The following ZNF197 variants were observed in gnomAD, a reference collection of about 807,000 sequenced individuals.
The protein encoded by ZNF197 is VHL-associated KRAB-A domain-containing protein.
ZNF197 carries 14 observed loss-of-function variants against 27.4 expected under a neutral mutation model. The ratio of observed to expected loss-of-function variants is 0.51; its 90% CI spans 0.34 to 0.80. The LOEUF is 0.80. Ranked by LOEUF, ZNF197 falls within the 30% of genes least tolerant of loss-of-function variation. ZNF197 has a pLI of 0.02. For missense variants in ZNF197, 1,090 were observed against 1,222.6 expected, an observed-to-expected ratio of 0.89 and a Z score of 1.62; for synonymous variants, 415 against 420.0, an observed-to-expected ratio of 0.99 and a Z score of 0.15.
chr3:44,639,320 G>T (rs943379454), intron 5 of ZNF197, among the ~76,000 whole-genome samples: 1 of 152,036 alleles, frequency 6.6e-6, no homozygotes, highest in Admixed American at 6.6e-5. Flanking sequence ...TGCTATCAGG[G>T]CAACACTGGC....
At chr3:44,628,867 C>T (rs1701817928) in intron 1 of ZNF197, 1 of 246,748 alleles carries the variant, frequency 4.1e-6, no homozygotes, top group Non-Finnish European at 7.7e-6. Flanking sequence ...TGTTTGGTTT[C>T]AGCAGTCTCG....
rs754737195 is a variant in ZNF197 at position 44,643,064 on chromosome 3, A to G, written c.1934A>G (p.Asn645Ser). 11 of 1,614,072 alleles carry G rather than the reference A, an allele frequency of 6.8e-6. No individual in the cohort carries two copies. The highest frequency in any genetic ancestry group is 6.6e-5 in the South Asian group (6 of 91,078). The change falls in exon 6 of 6, where the codon AAT (asparagine) becomes AGT (serine). Residue 645 changes from asparagine to serine, a missense_variant. Asn to Ser is a conservative substitution (Grantham distance 46, BLOSUM62 1). Transcript: ENST00000344387. ...CTTTTTGACCACCAGAGACTCCACA[A>G]TGGGGAGAAGCCCTATGAATGTAAT... ...AYLFDHQRLHNGEKPYECNEC... is the reference protein window; with the variant it reads ...AYLFDHQRLHSGEKPYECNEC...
chr3:44,632,692 A>C, intron 5 of ZNF197, 93 bp downstream of exon 5: 1 of 1,336,894 alleles, frequency 7.5e-7, no homozygotes, highest in Non-Finnish European at 9.7e-7. Context: ...ATTTTGGAAA[A>C]CACCGAATAT....
In ZNF197 at chr3:44,640,653, C is replaced by T. The variant is rs1054437750; in HGVS notation, c.770-1247C>T. Among the ~76,000 whole-genome samples, 1 of 152,210 alleles carries T rather than the reference C, an allele frequency of 6.6e-6. No homozygotes were observed. Among genetic ancestry groups the T allele is most frequent in the African/African-American group, 2.4e-5 (1 of 41,450 alleles). The stretch of plus-strand genomic sequence containing the variant: ...TCAGCCTCCCAGAGTGCTGGAATTA[C>T]AGGCATGAGCCACCATGCCCGGCCT... On this transcript the variant is annotated intron_variant, in intron 5 of 5. Coordinates refer to ENST00000344387, the MANE Select transcript of ZNF197 (RefSeq NM_006991.5). The surrounding 1 kb of genome is among the most constrained non-coding windows in gnomAD (Gnocchi z 4.0).
chr3:44,646,557 C>T lies in ZNF197; in HGVS notation c.*2337C>T, dbSNP rs75732261. ...CCACGAGAAACAGACACATCCAGAACGTGGAATATTGCATAAGAAAGCTGC... is the reference window on the plus strand; with the variant it reads ...CCACGAGAAACAGACACATCCAGAATGTGGAATATTGCATAAGAAAGCTGC... On this transcript the variant is annotated 3_prime_UTR_variant, in exon 6 of 6. Coordinates refer to ENST00000344387, the MANE Select transcript of ZNF197 (RefSeq NM_006991.5). The T allele has an allele frequency of 1.0e-3, 1,197 of 1,159,462 alleles. 7 individuals carry two copies. In the African/African-American group the frequency reaches 0.015, roughly 14 times the overall value. The allele number at this position is 1,159,462 out of a possible 1,614,324, so 71.8% of individuals were successfully genotyped here.
chr3:44,632,589 G>A lies in ZNF197; in HGVS notation c.759G>A (p.Val253=), dbSNP rs1188548285. ...WDVMLENYGN[V]TSLEWETMTE... ...TGATGCTGGAGAATTATGGAAATGT[G>A]ACCTCCCTAGGTAAGGATTCTTCTT... is the stretch of plus-strand genomic sequence containing the variant. Residue 253 remains valine (V), a synonymous_variant, in exon 5 of 6, where the codon GTG becomes GTA. Transcript: ENST00000344387. The A allele has an allele frequency of 1.3e-6, 2 of 1,578,198 alleles. No homozygotes were observed. The highest frequency in any genetic ancestry group is 1.7e-6 in the Non-Finnish European group (2 of 1,161,978).
chr3:44,627,409 C>G (rs1701731995), intron 1 of ZNF197, among the ~76,000 whole-genome samples: 2 of 152,286 alleles, frequency 1.3e-5, no homozygotes, highest in South Asian at 4.1e-4. Context: ...AGTTTACTTT[C>G]CTTCTCTGGT....
chr3:44,632,472 G>A lies in ZNF197; in HGVS notation c.643-1G>A. 1 of 1,584,358 alleles carries A rather than the reference G, an allele frequency of 6.3e-7. No individual in the cohort carries two copies. Among genetic ancestry groups the A allele is most frequent in the Non-Finnish European group, 8.6e-7 (1 of 1,168,958 alleles). ...AATCTCACACACACTTGTTATTTCAGGAGTTGGTGATGTTCGAGGAGGTGT... is the reference window on the plus strand; with the variant it reads ...AATCTCACACACACTTGTTATTTCAAGAGTTGGTGATGTTCGAGGAGGTGT... On this transcript the variant is annotated splice_acceptor_variant, in intron 4 of 5. Transcript: ENST00000344387. LOFTEE classifies it high-confidence loss of function.
intron 1 of ZNF197, among the ~76,000 whole-genome samples, chr3:44,625,772 A>G (rs1466434934): frequency 6.6e-6 from 1 of 151,988 alleles, no homozygotes; most frequent in East Asian, 1.9e-4. Context: ...ACACACACAC[A>G]CACACACACA....
chr3:44,645,143 T>C lies in ZNF197; in HGVS notation c.*923T>C. Reference sequence around the variant, plus strand: ...TAAGTCAGCCTCTAAAGCTTTAGTTTCCTGTCAGTCAAATGTTGACATGAT... The same window carrying C: ...TAAGTCAGCCTCTAAAGCTTTAGTTCCCTGTCAGTCAAATGTTGACATGAT... On this transcript the variant is annotated 3_prime_UTR_variant, in exon 6 of 6. Transcript: ENST00000344387. The C allele has an allele frequency of 1.0e-6, 1 of 969,082 alleles. No individual in the cohort carries two copies. Among genetic ancestry groups the C allele is most frequent in the Non-Finnish European group, 1.2e-6 (1 of 815,050 alleles). 60.0% of individuals were successfully genotyped at this position (969,082 alleles called of 1,614,324 possible).
rs547490659 is a variant in ZNF197, at chr3:44,644,051, C to A, written c.2921C>A (p.Thr974Asn). ...GTTTTTAGGCAAAGAAAAAACCTTA[C>A]TGTACATCAGAAAATCCACACAGAT... The part of the protein sequence containing the change: ...SKVFRQRKNL[T>N]VHQKIHTDEK... The change falls in exon 6 of 6, where the codon ACT (threonine) becomes AAT (asparagine). Residue 974 changes from threonine to asparagine, a missense_variant. By Grantham distance (65) the Thr-to-Asn change is moderately conservative. Transcript: ENST00000344387. 4 of 1,614,082 alleles carry A rather than the reference C, an allele frequency of 2.5e-6. No individual in the cohort carries two copies. In the Admixed American group the frequency reaches 5.0e-5, roughly 20 times the overall value.
rs139142373 is a variant in ZNF197, at chr3:44,642,486, A to G, written c.1356A>G (p.Lys452=). 1,546 of 1,613,978 alleles carry G rather than the reference A, an allele frequency of 9.6e-4. 2 individuals are homozygous for G. Among genetic ancestry groups the G allele is most frequent in the Middle Eastern group, 2.6e-3 (16 of 6,060 alleles). The part of the protein sequence containing the change: ...LNHQRIHTGE[K]PYKCKECGKG... ...ATCAGAGGATCCACACTGGGGAGAA[A>G]CCTTATAAGTGTAAGGAGTGTGGAA... Residue 452 remains lysine (K), a synonymous_variant, in exon 6 of 6, where the codon AAA becomes AAG. Coordinates refer to ENST00000344387, the MANE Select transcript of ZNF197 (RefSeq NM_006991.5).
At chr3:44,630,493 A>G (rs564632736) in intron 2 of ZNF197, among the ~76,000 whole-genome samples, 2 of 152,192 alleles carry the variant, frequency 1.3e-5, no homozygotes, top group African/African-American at 2.4e-5. Context: ...TGTGGCATTA[A>G]GGATGGGCTT....
intron 1 of ZNF197, among the ~76,000 whole-genome samples, chr3:44,627,360 GT>G (rs1701729440): frequency 1.3e-5 from 2 of 152,188 alleles, no homozygotes; most frequent in South Asian, 2.1e-4. Flanking sequence ...TTTAACTTCT[GT>G]TCACCTCTCT....
At position 44,645,934 on chromosome 3, in the gene ZNF197, CA is replaced by C; in HGVS notation, c.*1717del. On this transcript the variant is annotated 3_prime_UTR_variant, in exon 6 of 6. Coordinates refer to ENST00000344387, the MANE Select transcript of ZNF197 (RefSeq NM_006991.5). ...TTGGTAATTTTTATGTTGTAATTCT[CA>C]AAGTTCTGTTTCTGTAGCTGGACTA... The C allele has an allele frequency of 1.0e-6, 1 of 985,386 alleles. No individual in the cohort carries two copies. The highest frequency in any genetic ancestry group is 1.2e-6 in the Non-Finnish European group (1 of 829,916). The allele number at this position is 985,386 out of a possible 1,614,324, so 61.0% of individuals were successfully genotyped here. A position where few individuals can be genotyped will look rare whatever the true frequency, so the allele number is the denominator to read the frequency against.
chr3:44,625,357 G>C (rs1047881400), intron 1 of ZNF197, among the ~76,000 whole-genome samples: 3 of 152,242 alleles, frequency 2.0e-5, no homozygotes, highest in Admixed American at 1.3e-4. Flanking sequence ...GCAGCTCCGA[G>C]TCTGTGTGTG....
chr3:44,644,789 G>C lies in ZNF197; in HGVS notation c.*569G>C, dbSNP rs1006987144. The C allele has an allele frequency of 3.2e-5, 32 of 985,024 alleles. No homozygotes were observed. The highest frequency in any genetic ancestry group is 3.7e-5 in the Non-Finnish European group (31 of 829,544). The allele number at this position is 985,024 out of a possible 1,614,324, so 61.0% of individuals were successfully genotyped here. A position where few individuals can be genotyped will look rare whatever the true frequency, so the allele number is the denominator to read the frequency against. On this transcript the variant is annotated 3_prime_UTR_variant, in exon 6 of 6. Transcript: ENST00000344387. ...AGTCCCAGGACTTTGGGAGGCCGAG[G>C]TGGGAAGATCCCTTGAGCCCAGGAG...
chr3:44,646,561 G>A lies in ZNF197; in HGVS notation c.*2341G>A. ...GAGAAACAGACACATCCAGAACGTG[G>A]AATATTGCATAAGAAAGCTGCCCTG... On this transcript the variant is annotated 3_prime_UTR_variant, in exon 6 of 6. Coordinates refer to ENST00000344387, the MANE Select transcript of ZNF197 (RefSeq NM_006991.5). 1 of 1,126,366 alleles carries A rather than the reference G, an allele frequency of 8.9e-7. No homozygotes were observed. The highest frequency in any genetic ancestry group is 1.2e-5 in the South Asian group (1 of 81,194). The allele number at this position is 1,126,366 out of a possible 1,614,324, so 69.8% of individuals were successfully genotyped here. A position where few individuals can be genotyped will look rare whatever the true frequency, so the allele number is the denominator to read the frequency against.
Position 44,629,244 on chromosome 3 carries a change from C to T in ZNF197, c.90C>T (p.Phe30=). 1 of 1,614,158 alleles carries T rather than the reference C, an allele frequency of 6.2e-7. No homozygotes were observed. Among genetic ancestry groups the T allele is most frequent in the East Asian group, 2.2e-5 (1 of 44,880 alleles). The change falls in exon 2 of 6, where the codon TTC becomes TTT. Residue 30 remains phenylalanine, a synonymous_variant. Coordinates refer to ENST00000344387, the MANE Select transcript of ZNF197 (RefSeq NM_006991.5). The stretch of plus-strand genomic sequence containing the variant: ...ATACCTGGAAATGGGGAACCAGCTT[C>T]CAAGGAAGTAGCTCCTCTGTTTGGG... ...KDDTWKWGTS[F]QGSSSSVWET... is the part of the protein sequence containing the mutation.
Sources: allele counts gnomAD v4.1 joint callset (sites outside exome capture counted in the v4.1 genomes callset), GRCh38; gene constraint gnomAD v4.1.1; non-coding constraint Gnocchi (gnomAD v3.1); transcripts MANE v1.5; gene names NCBI Gene and HGNC (gene_info 2026-07-23, HGNC 2026-07-21).